Variants in USP7 observed in about 807,000 individuals in gnomAD.
The protein encoded by USP7 is ubiquitin C-terminal hydrolase 7.
Under a neutral mutation model 162.9 loss-of-function variants are expected in USP7, and 9 were observed. The ratio of observed to expected loss-of-function variants is 0.06; its 90% CI spans 0.03 to 0.10. The LOEUF is 0.10. Among genes scored for constraint, USP7 ranks in the 10% least tolerant of loss-of-function variants. USP7 has a pLI of 1.00. For synonymous variants in USP7, 562 were observed against 475.9 expected, an observed-to-expected ratio of 1.18 and a Z score of -2.35; for missense variants, 715 against 1,373.7, an observed-to-expected ratio of 0.52 and a Z score of 7.58.
At chr16:8,959,972 G>C (rs1478102490) in intron 1 of USP7, among the ~76,000 whole-genome samples, 1 of 152,174 alleles carries the variant, frequency 6.6e-6, no homozygotes, top group Admixed American at 6.5e-5. Flanking sequence ...TTGGGCAGAA[G>C]AACCACACCA....
chr16:8,927,707 T>G (rs1972295), intron 2 of USP7, among the ~76,000 whole-genome samples: 7,922 of 151,898 alleles, frequency 0.052, 304 homozygotes, highest in Non-Finnish European at 0.084. Flanking sequence ...GTGGTGGCAT[T>G]TGCCTGTAAT....
At chr16:8,894,744 C>CT in intron 29 of USP7, 40 bp downstream of exon 29, 1 of 1,614,112 alleles carries the variant, frequency 6.2e-7, no homozygotes, top group South Asian at 1.1e-5. Flanking sequence ...AGGCTTGAGC[C>CT]TATGGCCCGC....
Position 8,917,022 on chromosome 16 carries a change from A to T in USP7, c.851+4T>A. The T allele has an allele frequency of 6.3e-7, 1 of 1,599,548 alleles. No individual in the cohort carries two copies. Among genetic ancestry groups the T allele is most frequent in the Non-Finnish European group, 8.5e-7 (1 of 1,175,776 alleles). The stretch of plus-strand genomic sequence containing the variant: ...AATGGCAAAGGCAGATGTCTAATAC[A>T]TACCCAAATGACTTTGTTAACTTTT... On this transcript the variant is annotated splice_donor_region_variant and intron_variant, in intron 7 of 30. Transcript: ENST00000344836.
In USP7 at chr16:8,916,457, A is replaced by C. The variant is rs747092052; in HGVS notation, c.906+45T>G. 3.2e-6 allele frequency: 5 copies of C among 1,579,278 alleles called. No homozygotes were observed. The South Asian group carries it at 5.9e-5, about 19-fold the overall frequency. On this transcript the variant is annotated intron_variant, in intron 8 of 30. Transcript: ENST00000344836. ...TGGTAATAACTTCTGACCATGCTTC[A>C]AAATATTCATTGTAAGAAATATACA...
At chr16:8,920,681 A>G (rs1050539507) in intron 4 of USP7, among the ~76,000 whole-genome samples, 3 of 152,238 alleles carry the variant, frequency 2.0e-5, no homozygotes, top group Non-Finnish European at 4.4e-5. Flanking sequence ...CCAGGGGCTC[A>G]GTGCCACAGC....
At chr16:8,933,953 C>T (rs1037945658) in intron 1 of USP7, among the ~76,000 whole-genome samples, 22 of 152,206 alleles carry the variant, frequency 1.4e-4, no homozygotes, top group Admixed American at 1.0e-3. Context: ...GACAGGGTTT[C>T]ACCATGTTGG....
At chr16:8,948,198 A>G (rs1899374267) in intron 1 of USP7, among the ~76,000 whole-genome samples, 1 of 152,004 alleles carries the variant, frequency 6.6e-6, no homozygotes, top group Non-Finnish European at 1.5e-5. Context: ...CCCTCAACTG[A>G]CCTTGATTCC....
intron 1 of USP7, among the ~76,000 whole-genome samples, chr16:8,937,246 A>AC (rs1400092074): frequency 6.6e-6 from 1 of 152,032 alleles, no homozygotes; most frequent in Non-Finnish European, 1.5e-5. Context: ...AACAACGTGT[A>AC]TAAGACAAGC....
chr16:8,948,791 G>A (rs1051400199), intron 1 of USP7, among the ~76,000 whole-genome samples: 10 of 152,140 alleles, frequency 6.6e-5, no homozygotes, highest in South Asian at 4.2e-4. Context: ...GCGAAACCCC[G>A]TCTCTAGAAA....
In USP7 at chr16:8,899,892, G is replaced by A. The variant is rs557209222; in HGVS notation, c.2310-135C>T. ...AGATAAATTCAGGTTCCCCTTTGAG[G>A]GGGCCAGGCATCTGCCTGAGCTCCC... On this transcript the variant is annotated intron_variant, in intron 21 of 30. Transcript: ENST00000344836. 7.8e-5 allele frequency: 85 copies of A among 1,093,456 alleles called. No individual in the cohort carries two copies. The African/African-American group carries it at 1.2e-3, about 16-fold the overall frequency. 67.7% of individuals were successfully genotyped at this position (1,093,456 alleles called of 1,614,324 possible).
intron 1 of USP7, among the ~76,000 whole-genome samples, chr16:8,960,185 A>T (rs1371557628): frequency 1.3e-5 from 2 of 152,160 alleles, no homozygotes; most frequent in East Asian, 3.8e-4. Flanking sequence ...AGACCTAATC[A>T]TGCCACCACC....
intron 1 of USP7, among the ~76,000 whole-genome samples, chr16:8,949,301 TC>T (rs1263617635): frequency 6.6e-6 from 1 of 152,232 alleles, no homozygotes; most frequent in Non-Finnish European, 1.5e-5. Context: ...CGTGGCACGT[TC>T]CACTGGGATT....
intron 12 of USP7, among the ~76,000 whole-genome samples, 189 bp from the exon 13 acceptor site, chr16:8,906,771 A>AT (rs1567214423): frequency 3.3e-5 from 5 of 152,204 alleles, no homozygotes; most frequent in Non-Finnish European, 7.3e-5. Context: ...AGTCAACATA[A>AT]ATATACACTA....
chr16:8,956,394 G>A (rs1168430200), intron 1 of USP7: 1 of 152,220 alleles, frequency 6.6e-6, no homozygotes, highest in African/African-American at 2.4e-5. Context: ...CTCTTTCCAA[G>A]GACACACGGG....
At chr16:8,912,141 TAAA>T (rs1322246767) in intron 10 of USP7, among the ~76,000 whole-genome samples, 1 of 152,086 alleles carries the variant, frequency 6.6e-6, no homozygotes, top group Non-Finnish European at 1.5e-5. Context: ...TGCTGTTCAA[TAAA>T]AAAGTTACCA....
At chr16:8,929,645 CT>C in intron 2 of USP7, 1 of 453,270 alleles carries the variant, frequency 2.2e-6, no homozygotes. Context: ...ACTGCAATTA[CT>C]GGCTGCTCCC....
At chr16:8,895,857 G>A in intron 26 of USP7, 116 bp from the exon 27 acceptor site, 3 of 582,816 alleles carry the variant, frequency 5.1e-6, no homozygotes, top group East Asian at 3.6e-5. Context: ...TTTTTTTTTT[G>A]AGACAGTCTC....
At chr16:8,937,549 A>G (rs2141244508) in intron 1 of USP7, among the ~76,000 whole-genome samples, 1 of 152,048 alleles carries the variant, frequency 6.6e-6, no homozygotes, top group Non-Finnish European at 1.5e-5. Context: ...CTCAAAAAAT[A>G]ATAAGTTGGG....
chr16:8,946,823 G>A (rs1161304204), intron 1 of USP7, among the ~76,000 whole-genome samples: 2 of 152,168 alleles, frequency 1.3e-5, no homozygotes, highest in Admixed American at 6.5e-5. Flanking sequence ...TTCCAACAAC[G>A]CCAATGTCTG....
Sources: allele counts gnomAD v4.1 joint callset (sites outside exome capture counted in the v4.1 genomes callset), GRCh38; gene constraint gnomAD v4.1.1; transcripts MANE v1.5; gene names NCBI Gene and HGNC (gene_info 2026-07-23, HGNC 2026-07-21).